The following MMP20 variants were observed in gnomAD, a reference collection of about 807,000 sequenced individuals.
MMP20 encodes matrix metallopeptidase 20, also known as matrix metalloproteinase-20.
Under a neutral mutation model 51.8 loss-of-function variants are expected in MMP20, and 50 were observed. That is an observed-to-expected ratio of 0.97 (90% CI 0.77 to 1.22). MMP20 has a LOEUF of 1.22. Among genes scored for constraint, MMP20 ranks in the 50% most tolerant of loss-of-function variants. The pLI is 0.00. For synonymous variants in MMP20, 244 were observed against 216.2 expected, an observed-to-expected ratio of 1.13 and a Z score of -1.13; for missense variants, 663 against 601.4, an observed-to-expected ratio of 1.10 and a Z score of -1.07.
chr11:102,578,567 C>T lies in MMP20; in HGVS notation c.1351+472G>A, dbSNP rs571957855. The stretch of plus-strand genomic sequence containing the variant: ...GGTGGCCAACATGGTGAAACTCCAT[C>T]TCCACTAAAAATACAAACATTAGCT... On this transcript the variant is annotated intron_variant, in intron 9 of 9. Transcript: ENST00000260228. Among the ~76,000 whole-genome samples, 8 of 152,226 alleles carry T rather than the reference C, an allele frequency of 5.3e-5. No homozygotes were observed. The East Asian group carries it at 1.5e-3, about 29-fold the overall frequency.
At chr11:102,595,606 T>C (rs533610740) in intron 6 of MMP20, among the ~76,000 whole-genome samples, 1 of 152,340 alleles carries the variant, frequency 6.6e-6, no homozygotes, top group South Asian at 2.1e-4. Context: ...TCATAAGTTA[T>C]GGTGTTGCCT....
intron 2 of MMP20, among the ~76,000 whole-genome samples, chr11:102,615,805 G>A (rs1243811469): frequency 8.5e-5 from 13 of 152,068 alleles, no homozygotes; most frequent in Admixed American, 6.5e-4. Flanking sequence ...CTCCTTACAT[G>A]TGCAAGGCCT....
chr11:102,610,634 TG>T (rs1859586225), intron 3 of MMP20, among the ~76,000 whole-genome samples: 1 of 152,202 alleles, frequency 6.6e-6, no homozygotes, highest in Non-Finnish European at 1.5e-5. Flanking sequence ...TTTAAGTTTT[TG>T]TTTAATTATC....
chr11:102,591,800 C>T (rs1859320498), intron 8 of MMP20, among the ~76,000 whole-genome samples: 1 of 152,176 alleles, frequency 6.6e-6, no homozygotes, highest in South Asian at 2.1e-4. Context: ...ACCTCCCCAT[C>T]CTAAAACTTA....
chr11:102,602,977 C>T (rs1859468224), intron 6 of MMP20, among the ~76,000 whole-genome samples: 1 of 152,160 alleles, frequency 6.6e-6, no homozygotes, highest in African/African-American at 2.4e-5. Flanking sequence ...AGTGTATGTT[C>T]ATTAAGTATA....
intron 8 of MMP20, among the ~76,000 whole-genome samples, chr11:102,589,771 G>A (rs753900354): frequency 6.6e-6 from 1 of 152,070 alleles, no homozygotes. Context: ...GGTTGAATGT[G>A]GTAGTTTAGT....
rs1565396351 is a variant in MMP20 at position 102,606,627 on chromosome 11, A to T, written c.861T>A (p.His287Gln). 1.2e-6 allele frequency: 2 copies of T among 1,613,792 alleles called. No homozygotes were observed. The highest frequency in any genetic ancestry group is 2.2e-5 in the South Asian group (2 of 91,064). Residue 287 changes from histidine (H) to glutamine (Q), a missense_variant, in exon 6 of 10, where the codon CAT becomes CAA. Transcript: ENST00000260228. Reference protein sequence around the residue: ...LGKPTLPHAPHHKPSIPDLCD... With the variant: ...LGKPTLPHAPQHKPSIPDLCD... Reference sequence around the variant, plus strand: ...AGAGGTCAGGGATGGATGGCTTGTGATGGGGGGCATGGGGCAGAGTGGGCT... The same window carrying T: ...AGAGGTCAGGGATGGATGGCTTGTGTTGGGGGGCATGGGGCAGAGTGGGCT...
intron 6 of MMP20, among the ~76,000 whole-genome samples, chr11:102,600,016 G>A (rs1307482289): frequency 6.6e-6 from 1 of 152,176 alleles, no homozygotes; most frequent in Non-Finnish European, 1.5e-5. Flanking sequence ...CTCAGAATCA[G>A]GTGGTTCAGA....
chr11:102,591,041 G>A (rs1445811269), intron 8 of MMP20, among the ~76,000 whole-genome samples: 1 of 152,158 alleles, frequency 6.6e-6, no homozygotes, highest in African/African-American at 2.4e-5. Context: ...CAATTATTTT[G>A]GGGTCTCTGA....
At position 102,625,220 on chromosome 11, in the gene MMP20, A is replaced by G; in HGVS notation, c.100T>C (p.Trp34Arg). 6.2e-7 allele frequency: 1 copy of G among 1,613,980 alleles called. No homozygotes were observed. The highest frequency in any genetic ancestry group is 8.5e-7 in the Non-Finnish European group (1 of 1,179,948). The part of the protein sequence containing the change: ...PSLVAASPRT[W>R]RNNYRLAQAY... ...TGTGCGAGGCGGTAGTTGTTCCTCC[A>G]GGTCCTGGGGGAGGCTGCAACTAGG... is the stretch of plus-strand genomic sequence containing the variant. Residue 34 changes from tryptophan (W) to arginine (R), a missense_variant, in exon 1 of 10, where the codon TGG becomes CGG. By Grantham distance (101) the Trp-to-Arg change is moderately radical (BLOSUM62 -3). Transcript: ENST00000260228.
intron 8 of MMP20, among the ~76,000 whole-genome samples, chr11:102,581,766 A>G (rs1427212145): frequency 6.6e-6 from 1 of 152,216 alleles, no homozygotes; most frequent in Non-Finnish European, 1.5e-5. Context: ...GATTGTTGAA[A>G]GGTGGATGGG....
intron 7 of MMP20, 32 bp from the exon 8 acceptor site, chr11:102,593,627 C>A: frequency 6.2e-7 from 1 of 1,612,896 alleles, no homozygotes; most frequent in Non-Finnish European, 8.5e-7. Flanking sequence ...TACGAAAACT[C>A]TGCACCACTT....
chr11:102,620,634 C>T (rs1246752700), intron 1 of MMP20, among the ~76,000 whole-genome samples: 10 of 152,202 alleles, frequency 6.6e-5, no homozygotes, highest in Non-Finnish European at 1.0e-4. Flanking sequence ...GGTCTCCCTT[C>T]CAAGCCCTTA....
chr11:102,609,786 T>C (rs1270972992), intron 4 of MMP20, 119 bp downstream of exon 4: 10 of 1,466,558 alleles, frequency 6.8e-6, no homozygotes, highest in Non-Finnish European at 8.5e-6. Flanking sequence ...CTTACTTGTT[T>C]TTCCTAGCCA....
chr11:102,580,874 C>T (rs538894376), intron 8 of MMP20, among the ~76,000 whole-genome samples: 1 of 152,318 alleles, frequency 6.6e-6, no homozygotes, highest in Non-Finnish European at 1.5e-5. Context: ...TTTATGCTGA[C>T]ACAGACTGCA....
Position 102,604,959 on chromosome 11 carries a change from A to G in MMP20, c.953+1576T>C, listed in dbSNP as rs1023747059. On this transcript the variant is annotated intron_variant, in intron 6 of 9. Transcript: ENST00000260228. ...AGGGACATAAAACAATATGCTTAAC[A>G]ATGGGAATGCTCTGTGTTATGTGCC... 7.2e-5 allele frequency among the ~76,000 whole-genome samples: 11 copies of G among 152,318 alleles called. No homozygotes were observed. In the South Asian group the frequency reaches 2.1e-3, roughly 29 times the overall value.
intron 1 of MMP20, among the ~76,000 whole-genome samples, chr11:102,624,964 T>C (rs1353736031): frequency 6.6e-6 from 1 of 152,232 alleles, no homozygotes; most frequent in East Asian, 1.9e-4. Flanking sequence ...TGAAGCAAGA[T>C]AGCTAGGTAG....
chr11:102,585,768 G>A (rs886416048), intron 8 of MMP20, among the ~76,000 whole-genome samples: 1 of 151,984 alleles, frequency 6.6e-6, no homozygotes, highest in Non-Finnish European at 1.5e-5. Flanking sequence ...ATTTGAAAAC[G>A]GTTATTTTTA....
intron 8 of MMP20, among the ~76,000 whole-genome samples, chr11:102,585,428 A>C (rs1307746064): frequency 1.3e-5 from 2 of 152,214 alleles, no homozygotes; most frequent in Non-Finnish European, 2.9e-5. Flanking sequence ...GTATAAAAAC[A>C]CAATTGATTA....
Sources: allele counts gnomAD v4.1 joint callset (sites outside exome capture counted in the v4.1 genomes callset), GRCh38; gene constraint gnomAD v4.1.1; transcripts MANE v1.5; gene names NCBI Gene and HGNC (gene_info 2026-07-23, HGNC 2026-07-21).